The following NEK10 variants were observed in gnomAD, a reference collection of about 807,000 sequenced individuals.
NEK10 encodes the protein NIMA related kinase 10.
Under a neutral mutation model 159.8 loss-of-function variants are expected in NEK10, and 122 were observed. The ratio of observed to expected loss-of-function variants is 0.76; its 90% CI spans 0.66 to 0.89. The LOEUF is 0.89. NEK10 is among the 40% of genes least tolerant of loss of function. The pLI, the probability that NEK10 is intolerant of heterozygous loss-of-function variation, is 0.00. For synonymous variants in NEK10, 466 were observed against 457.1 expected, an observed-to-expected ratio of 1.02 and a Z score of -0.25; for missense variants, 1,342 against 1,323.1, an observed-to-expected ratio of 1.01 and a Z score of -0.22.
intron 31 of NEK10, 37 bp downstream of exon 31, chr3:27,141,445 T>G: frequency 6.7e-7 from 1 of 1,489,006 alleles, no homozygotes; most frequent in South Asian, 1.2e-5. Context: ...AAACTTGCAT[T>G]TAAGATGAAA....
At chr3:27,151,635 A>C (rs548385708) in intron 30 of NEK10, among the ~76,000 whole-genome samples, 1 of 152,296 alleles carries the variant, frequency 6.6e-6, no homozygotes, top group Admixed American at 6.5e-5. Context: ...GTTCACCAGC[A>C]ATGGAGCCAA....
intron 22 of NEK10, among the ~76,000 whole-genome samples, chr3:27,272,938 G>T (rs1343796115): frequency 6.6e-6 from 1 of 152,140 alleles, no homozygotes; most frequent in Non-Finnish European, 1.5e-5. Context: ...CCCCCCAACT[G>T]CTTCCTAACC....
chr3:27,252,743 G>C (rs1955794652), intron 23 of NEK10: 5 of 360,068 alleles, frequency 1.4e-5, no homozygotes, highest in Non-Finnish European at 2.7e-5. Flanking sequence ...GAGTATTCCA[G>C]GCAAAGGGAG....
chr3:27,169,711 T>G (rs1185376064), intron 29 of NEK10, among the ~76,000 whole-genome samples: 1 of 152,206 alleles, frequency 6.6e-6, no homozygotes, highest in Non-Finnish European at 1.5e-5. Flanking sequence ...TGAACTTCAT[T>G]TATGTTATGT....
At chr3:27,258,299 C>A (rs1015482787) in intron 22 of NEK10, among the ~76,000 whole-genome samples, 4 of 151,722 alleles carry the variant, frequency 2.6e-5, no homozygotes, top group Non-Finnish European at 5.9e-5. Flanking sequence ...ATACATGTGC[C>A]ATGTTGGTGT....
At chr3:27,123,138 G>A (rs529748497) in intron 32 of NEK10, among the ~76,000 whole-genome samples, 1 of 152,298 alleles carries the variant, frequency 6.6e-6, no homozygotes, top group East Asian at 1.9e-4. Flanking sequence ...GATCTGAGCA[G>A]GATGCAGAAA....
chr3:27,224,935 G>C (rs1475794995), intron 23 of NEK10, among the ~76,000 whole-genome samples: 1 of 152,116 alleles, frequency 6.6e-6, no homozygotes, highest in African/African-American at 2.4e-5. Context: ...ACTACATGAA[G>C]ATCCAGAGCT....
chr3:27,344,170 A>G, intron 5 of NEK10, 102 bp downstream of exon 5: 2 of 586,742 alleles, frequency 3.4e-6, no homozygotes, highest in South Asian at 5.2e-5. Context: ...TCCTTTAATG[A>G]CATGTTCAAT....
At chr3:27,181,944 T>TA (rs1336962721) in intron 26 of NEK10, among the ~76,000 whole-genome samples, 1 of 152,090 alleles carries the variant, frequency 6.6e-6, no homozygotes, top group Non-Finnish European at 1.5e-5. Context: ...TTGAAGAAAT[T>TA]AGACAAACTT....
chr3:27,324,336 T>C (rs1177698210), intron 5 of NEK10, among the ~76,000 whole-genome samples: 1 of 152,206 alleles, frequency 6.6e-6, no homozygotes, highest in Non-Finnish European at 1.5e-5. Context: ...CCCAAAGAGT[T>C]GGAGCAACAG....
intron 22 of NEK10, among the ~76,000 whole-genome samples, chr3:27,282,916 ATAAT>A (rs1165103368): frequency 8.6e-5 from 13 of 152,002 alleles, no homozygotes; most frequent in Admixed American, 2.0e-4. Context: ...AAACAAAGTT[ATAAT>A]TAATTTCAAA....
chr3:27,219,184 G>C (rs1455309199), intron 23 of NEK10, among the ~76,000 whole-genome samples: 1 of 152,208 alleles, frequency 6.6e-6, no homozygotes, highest in Non-Finnish European at 1.5e-5. Context: ...CCATCTCTTT[G>C]AAATGAAGCC....
At chr3:27,352,695 C>A in intron 2 of NEK10, 117 bp downstream of exon 2, 3 of 811,946 alleles carry the variant, frequency 3.7e-6, no homozygotes, top group Admixed American at 4.3e-5. Flanking sequence ...TTTCAGTAAG[C>A]ACTGTAACTC....
At chr3:27,332,877 G>A (rs991795469) in intron 5 of NEK10, among the ~76,000 whole-genome samples, 4 of 152,104 alleles carry the variant, frequency 2.6e-5, no homozygotes, top group Non-Finnish European at 2.9e-5. Flanking sequence ...CACAAATGAC[G>A]TCACGAGAGA....
chr3:27,208,033 G>T (rs1284029241), intron 23 of NEK10, among the ~76,000 whole-genome samples: 1 of 152,094 alleles, frequency 6.6e-6, no homozygotes, highest in Non-Finnish European at 1.5e-5. Context: ...TTGTGTGTAT[G>T]CATGTATTGT....
At chr3:27,113,887 A>G (rs985011454) in intron 35 of NEK10, among the ~76,000 whole-genome samples, 2 of 152,226 alleles carry the variant, frequency 1.3e-5, no homozygotes, top group African/African-American at 4.8e-5. Flanking sequence ...TGCAAAAAAT[A>G]TGAAGACATT....
chr3:27,336,990 A>T (rs1354561641), intron 5 of NEK10, among the ~76,000 whole-genome samples: 2 of 152,186 alleles, frequency 1.3e-5, no homozygotes, highest in African/African-American at 4.8e-5. Flanking sequence ...TAGCCAGAAC[A>T]ATAAGTCAAG....
At chr3:27,185,709 A>G (rs1019656698) in intron 26 of NEK10, among the ~76,000 whole-genome samples, 11 of 152,308 alleles carry the variant, frequency 7.2e-5, no homozygotes, top group African/African-American at 2.6e-4. Flanking sequence ...TGTATATGAC[A>G]TATCAGCATC....
At position 27,304,722 on chromosome 3, in the gene NEK10, T is replaced by C; in HGVS notation, c.1028+25A>G. The stretch of plus-strand genomic sequence containing the variant: ...CCAGACTTCAACAAACAGGGCAAAG[T>C]AGGCCAAAGCCCACTTTTACTCACC... On this transcript the variant is annotated intron_variant, in intron 12 of 35. Coordinates refer to ENST00000691995, the MANE Select transcript of NEK10 (RefSeq NM_001394966.1). 1.3e-6 allele frequency: 2 copies of C among 1,496,616 alleles called. 1 individual carries two copies. The highest frequency in any genetic ancestry group is 2.3e-5 in the South Asian group (2 of 88,416). 92.7% of individuals were successfully genotyped at this position (1,496,616 alleles called of 1,614,324 possible).
Sources: allele counts gnomAD v4.1 joint callset (sites outside exome capture counted in the v4.1 genomes callset), GRCh38; gene constraint gnomAD v4.1.1; transcripts MANE v1.5; gene names NCBI Gene and HGNC (gene_info 2026-07-23, HGNC 2026-07-21).